The following ADAMTSL1 variants were observed in gnomAD, a reference collection of about 807,000 sequenced individuals.
The protein encoded by ADAMTSL1 is ADAMTS-like protein 1.
In ADAMTSL1, 126 loss-of-function variants were observed where a neutral mutation model predicts 201.8. That is an observed-to-expected ratio of 0.62 (90% CI 0.54 to 0.72). The LOEUF is 0.72. Among genes scored for constraint, ADAMTSL1 ranks in the 30% least tolerant of loss-of-function variants. The pLI is 0.00. For missense variants in ADAMTSL1, 2,679 were observed against 2,277.8 expected, an observed-to-expected ratio of 1.18 and a Z score of -3.59; for synonymous variants, 1,121 against 903.4, an observed-to-expected ratio of 1.24 and a Z score of -4.32.
At chr9:18,189,258 A>C (rs1828869484) in intron 2 of ADAMTSL1, among the ~76,000 whole-genome samples, 1 of 152,128 alleles carries the variant, frequency 6.6e-6, no homozygotes, top group Admixed American at 6.6e-5. Flanking sequence ...TCGTAGAGAA[A>C]ATTTGCTCTC....
intron 16 of ADAMTSL1, among the ~76,000 whole-genome samples, chr9:18,761,847 G>A (rs950336156): frequency 2.6e-5 from 4 of 152,160 alleles, no homozygotes; most frequent in Admixed American, 6.5e-5. Flanking sequence ...GCATTTAGGA[G>A]CAAAATCCCT....
chr9:18,013,990 C>T (rs1291300142), intron 1 of ADAMTSL1, among the ~76,000 whole-genome samples: 2 of 151,970 alleles, frequency 1.3e-5, no homozygotes, highest in Non-Finnish European at 2.9e-5. Flanking sequence ...AAATCTGTTC[C>T]CTCAGAAGGT....
chr9:18,770,049 C>T (rs1360778579), intron 16 of ADAMTSL1, among the ~76,000 whole-genome samples: 1 of 152,156 alleles, frequency 6.6e-6, no homozygotes, highest in Non-Finnish European at 1.5e-5. Flanking sequence ...GCTCCCACTG[C>T]CCTAAGAAAT....
rs140409110 is a variant in ADAMTSL1 at position 18,415,928 on chromosome 9, A to C, written c.208-88901A>C. On this transcript the variant is annotated intron_variant, in intron 2 of 29. Transcript: ENST00000680146. Reference sequence around the variant, plus strand: ...AATACTGAAAGGAAAAAAAGGTGATAATCTAGAACCCCAAAACCAGTAGAA... The same window carrying C: ...AATACTGAAAGGAAAAAAAGGTGATCATCTAGAACCCCAAAACCAGTAGAA... 2.0e-5 allele frequency among the ~76,000 whole-genome samples: 3 copies of C among 152,180 alleles called. No individual in the cohort carries two copies. In the East Asian group the frequency reaches 5.8e-4, roughly 29 times the overall value.
At chr9:18,311,059 A>G (rs58078711) in intron 2 of ADAMTSL1, among the ~76,000 whole-genome samples, 10,509 of 152,138 alleles carry the variant, frequency 0.069, 1,179 homozygotes, top group African/African-American at 0.24. Context: ...TTGTAGGGAC[A>G]TGGATGAAGC....
intron 1 of ADAMTSL1, among the ~76,000 whole-genome samples, chr9:17,916,611 G>A (rs1826103932): frequency 1.3e-5 from 2 of 152,134 alleles, no homozygotes; most frequent in South Asian, 2.1e-4. Context: ...TCAAAAATCA[G>A]TTGTCCACAC....
At chr9:18,337,891 C>G (rs1835308649) in intron 2 of ADAMTSL1, among the ~76,000 whole-genome samples, 1 of 152,124 alleles carries the variant, frequency 6.6e-6, no homozygotes, top group East Asian at 1.9e-4. Context: ...GCCAAACTTT[C>G]TCCCTGCCAA....
At chr9:17,930,486 C>G (rs772008940) in intron 1 of ADAMTSL1, among the ~76,000 whole-genome samples, 4 of 152,084 alleles carry the variant, frequency 2.6e-5, no homozygotes, top group East Asian at 3.9e-4. Context: ...ATGGTCATAC[C>G]TCCCAGCAAG....
chr9:17,989,722 C>T, intron 1 of ADAMTSL1, among the ~76,000 whole-genome samples: 1 of 151,824 alleles, frequency 6.6e-6, no homozygotes, highest in Non-Finnish European at 1.5e-5. Context: ...AAAATATTTA[C>T]TTGTTTTAAT....
At chr9:18,744,944 T>A (rs149014669) in intron 15 of ADAMTSL1, among the ~76,000 whole-genome samples, 1 of 152,192 alleles carries the variant, frequency 6.6e-6, no homozygotes, top group Non-Finnish European at 1.5e-5. Flanking sequence ...AACACAGAAG[T>A]GTGCTATGTT....
intron 2 of ADAMTSL1, among the ~76,000 whole-genome samples, chr9:18,390,806 A>C (rs1838014003): frequency 6.6e-6 from 1 of 152,022 alleles, no homozygotes; most frequent in African/African-American, 2.4e-5. Flanking sequence ...ACAAAACAAA[A>C]CAAAAAAAAA....
rs553340593 is a variant in ADAMTSL1 at position 18,217,865 on chromosome 9, C to T, written c.207+53884C>T. ...GCAGAGGAAAGTTGTTTTTTTTTTT[C>T]TGTGCCTTGAGGCAATGTACGTGCT... On this transcript the variant is annotated intron_variant, in intron 2 of 29. Coordinates refer to the ADAMTSL1 transcript ENST00000680146. Among the ~76,000 whole-genome samples the T allele has an allele frequency of 5.0e-3, 750 of 149,168 alleles. 11 individuals are homozygous for T. Among genetic ancestry groups the T allele is most frequent in the African/African-American group, 0.018 (726 of 40,650 alleles).
intron 1 of ADAMTSL1, among the ~76,000 whole-genome samples, chr9:18,115,913 C>T (rs1587085310): frequency 6.6e-6 from 1 of 152,150 alleles, no homozygotes. Flanking sequence ...AGAGTCTAAA[C>T]CCATTGTCTC....
chr9:18,417,401 A>G (rs1458391171), intron 2 of ADAMTSL1, among the ~76,000 whole-genome samples: 1 of 150,296 alleles, frequency 6.7e-6, no homozygotes, highest in Admixed American at 6.6e-5. Flanking sequence ...AACAAAGATG[A>G]GGGCAGAAAT....
chr9:18,886,205 TATATATACAC>T (rs1828873605), intron 23 of ADAMTSL1, among the ~76,000 whole-genome samples: 3 of 123,158 alleles, frequency 2.4e-5, no homozygotes, highest in African/African-American at 1.1e-4. Flanking sequence ...TATATATATA[TATATATACAC>T]ACACATACAT....
At chr9:18,674,138 T>C (rs1252760441) in intron 9 of ADAMTSL1, among the ~76,000 whole-genome samples, 3 of 151,788 alleles carry the variant, frequency 2.0e-5, no homozygotes, top group Non-Finnish European at 4.4e-5. Flanking sequence ...ATTTTGAGCA[T>C]GCCCAAAAGG....
At chr9:18,640,261 C>T (rs904587866) in intron 7 of ADAMTSL1, among the ~76,000 whole-genome samples, 5 of 152,112 alleles carry the variant, frequency 3.3e-5, no homozygotes, top group African/African-American at 1.2e-4. Context: ...AGTCCAGACG[C>T]CAGCCACATG....
intron 1 of ADAMTSL1, among the ~76,000 whole-genome samples, chr9:17,966,638 A>G (rs1817990638): frequency 6.6e-6 from 1 of 152,100 alleles, no homozygotes; most frequent in South Asian, 2.1e-4. Flanking sequence ...TTGTCTGTAG[A>G]TTTCCCCTTC....
chr9:18,813,560 C>T (rs1469565082), intron 20 of ADAMTSL1, among the ~76,000 whole-genome samples: 1 of 152,014 alleles, frequency 6.6e-6, no homozygotes, highest in East Asian at 1.9e-4. Flanking sequence ...AAATTTGTTC[C>T]TAAGGGGTTT....
Sources: allele counts gnomAD v4.1 joint callset (sites outside exome capture counted in the v4.1 genomes callset), GRCh38; gene constraint gnomAD v4.1.1; transcripts MANE v1.5; gene names NCBI Gene and HGNC (gene_info 2026-07-23, HGNC 2026-07-21).